The following RANBP2 variants were observed in gnomAD, a reference collection of about 807,000 sequenced individuals.
RANBP2 encodes RAN binding protein 2.
RANBP2 carries 57 observed loss-of-function variants against 303.6 expected under a neutral mutation model. The observed-to-expected ratio is 0.19, with a 90% CI of 0.15 to 0.23. The LOEUF is 0.23. RANBP2 is among the 10% of genes least tolerant of loss of function. The probability of loss-of-function intolerance (pLI) is 1.00; values close to 1 mark genes in which losing one functional copy is unlikely to be tolerated. For missense variants in RANBP2, 3,138 were observed against 3,780.8 expected (o/e 0.83, Z 4.46); for synonymous variants, 1,167 against 1,301.5 (o/e 0.90, Z 2.23).
At chr2:109,584,282 G>A in the RANBP2 span, among the ~76,000 whole-genome samples, 1 of 114,134 alleles carries the variant, frequency 8.8e-6, no homozygotes, top group African/African-American at 3.3e-5. Context: ...GTCGAGACCA[G>A]CCTGGCCAAC....
chr2:109,517,807 G>A, the RANBP2 span, among the ~76,000 whole-genome samples: 14 of 152,336 alleles, frequency 9.2e-5, no homozygotes, highest in Admixed American at 7.2e-4. Context: ...CCACAAACAC[G>A]AGGCCTGGTG....
chr2:108,914,995 C>T, the RANBP2 span, among the ~76,000 whole-genome samples: 2 of 152,244 alleles, frequency 1.3e-5, no homozygotes, highest in Non-Finnish European at 2.9e-5. Flanking sequence ...TCACTGCAAC[C>T]TCTGCCTCCT....
the RANBP2 span, among the ~76,000 whole-genome samples, chr2:109,093,344 A>G: frequency 2.6e-5 from 4 of 151,518 alleles, no homozygotes; most frequent in Non-Finnish European, 4.4e-5. Flanking sequence ...ACCAAGAAAT[A>G]ACTTCTGATT....
At chr2:109,424,516 T>C in the RANBP2 span, among the ~76,000 whole-genome samples, 1 of 152,232 alleles carries the variant, frequency 6.6e-6, no homozygotes, top group Non-Finnish European at 1.5e-5. Flanking sequence ...CAACCCAGCA[T>C]CCACCAAGTC....
chr2:109,111,709 G>A, the RANBP2 span, among the ~76,000 whole-genome samples: 5 of 149,084 alleles, frequency 3.4e-5, no homozygotes, highest in African/African-American at 1.2e-4. Context: ...GTATACATGT[G>A]CCATGCTGGT....
the RANBP2 span, among the ~76,000 whole-genome samples, chr2:109,706,785 G>A: frequency 6.6e-6 from 1 of 152,200 alleles, no homozygotes. Context: ...TGGCTATCAG[G>A]TTACTTCAGA....
the RANBP2 span, among the ~76,000 whole-genome samples, chr2:108,816,818 C>G: frequency 2.0e-5 from 3 of 152,180 alleles, no homozygotes; most frequent in African/African-American, 4.8e-5. Flanking sequence ...TGCCTCATCC[C>G]TTTGAGTAGG....
chr2:108,804,885 C>G, the RANBP2 span: 1 of 1,514,234 alleles, frequency 6.6e-7, no homozygotes, highest in South Asian at 1.4e-5. Flanking sequence ...TTTTCTCCTC[C>G]TAGCAGCATG....
chr2:109,012,871 G>A, the RANBP2 span, among the ~76,000 whole-genome samples: 3 of 152,140 alleles, frequency 2.0e-5, no homozygotes, highest in East Asian at 1.9e-4. Context: ...CAGAGACCAG[G>A]CCACTGCACT....
At chr2:108,830,901 G>A in the RANBP2 span, among the ~76,000 whole-genome samples, 1 of 151,936 alleles carries the variant, frequency 6.6e-6, no homozygotes, top group Non-Finnish European at 1.5e-5. Context: ...TTGGCCAGGT[G>A]CGGTGGCTCA....
chr2:109,466,961 A>G, the RANBP2 span, among the ~76,000 whole-genome samples: 2 of 152,182 alleles, frequency 1.3e-5, no homozygotes, highest in African/African-American at 2.4e-5. Context: ...ATCTGTGTGC[A>G]TGTGTGTGTA....
chr2:109,195,896 C>T, the RANBP2 span, among the ~76,000 whole-genome samples: 36 of 152,338 alleles, frequency 2.4e-4, 1 homozygote, highest in South Asian at 6.2e-3. Flanking sequence ...CCTTCCACCT[C>T]TCAGGGTTGC....
the RANBP2 span, among the ~76,000 whole-genome samples, chr2:109,168,771 C>T: frequency 6.6e-6 from 1 of 152,200 alleles, no homozygotes; most frequent in Non-Finnish European, 1.5e-5. Flanking sequence ...GCCTTCTTCA[C>T]AGTAGGAATT....
chr2:108,875,991 C>G, the RANBP2 span: 9 of 684,624 alleles, frequency 1.3e-5, no homozygotes, highest in Non-Finnish European at 1.8e-5. Context: ...AAACAGATGC[C>G]ATTTCCTCAT....
the RANBP2 span, among the ~76,000 whole-genome samples, chr2:108,888,677 G>A: frequency 6.6e-6 from 1 of 151,780 alleles, no homozygotes. Context: ...TTTCATTTCT[G>A]ATTTTATTTG....
At chr2:109,610,705 C>T in the RANBP2 span, among the ~76,000 whole-genome samples, 1 of 152,062 alleles carries the variant, frequency 6.6e-6, no homozygotes, top group East Asian at 1.9e-4. Flanking sequence ...GACAAAGCGA[C>T]ATTCCGTCTT....
the RANBP2 span, among the ~76,000 whole-genome samples, chr2:108,891,961 A>G: frequency 1.3e-5 from 2 of 152,134 alleles, no homozygotes; most frequent in African/African-American, 2.4e-5. Flanking sequence ...CACAGTTCCC[A>G]GGACCCCAGA....
At chr2:109,171,033 G>T in the RANBP2 span, among the ~76,000 whole-genome samples, 1 of 152,324 alleles carries the variant, frequency 6.6e-6, no homozygotes, top group Non-Finnish European at 1.5e-5. Context: ...GGTGCTGGGG[G>T]CTGGGGGAGT....
chr2:109,170,234 C>CTTCTT, the RANBP2 span, among the ~76,000 whole-genome samples: 4 of 65,572 alleles, frequency 6.1e-5, 1 homozygote, highest in Non-Finnish European at 1.3e-4. Context: ...CTTCTCTTCT[C>CTTCTT]TTCTTTTCTT....
Sources: allele counts gnomAD v4.1 joint callset (sites outside exome capture counted in the v4.1 genomes callset), GRCh38; gene constraint gnomAD v4.1.1; transcripts MANE v1.5; gene names NCBI Gene and HGNC (gene_info 2026-07-23, HGNC 2026-07-21).